The following ADAMTSL3 variants were observed in gnomAD, a reference collection of about 807,000 sequenced individuals.
ADAMTSL3 encodes ADAMTS like 3, also known as ADAMTS-like protein 3.
A neutral mutation model predicts 201.7 loss-of-function variants in ADAMTSL3; 128 were observed. That is an observed-to-expected ratio of 0.63 (90% confidence interval 0.55 to 0.73). The LOEUF (loss-of-function observed/expected upper bound fraction) is 0.73, where lower values mean the gene tolerates loss of function less well. Ranked by LOEUF, ADAMTSL3 falls within the 30% of genes least tolerant of loss-of-function variation. The pLI is 0.00. For missense variants in ADAMTSL3, 1,990 were observed against 2,119.6 expected, an observed-to-expected ratio of 0.94 and a Z score of 1.20; for synonymous variants, 738 against 748.4, an observed-to-expected ratio of 0.99 and a Z score of 0.23.
intron 3 of ADAMTSL3, among the ~76,000 whole-genome samples, chr15:83,753,751 T>C (rs1415066126): frequency 6.6e-6 from 1 of 152,128 alleles, no homozygotes; most frequent in African/African-American, 2.4e-5. Context: ...AATTAAGAGC[T>C]TTCTATGGTT....
chr15:83,779,971 A>G (rs1395952555), intron 4 of ADAMTSL3, among the ~76,000 whole-genome samples: 6 of 152,184 alleles, frequency 3.9e-5, no homozygotes, highest in African/African-American at 1.2e-4. Context: ...GCCCACATCA[A>G]AAAGTTAGAA....
intron 9 of ADAMTSL3, among the ~76,000 whole-genome samples, chr15:83,876,112 A>G (rs191456497): frequency 5.9e-5 from 9 of 152,118 alleles, no homozygotes; most frequent in Admixed American, 2.0e-4. Flanking sequence ...GAAGTATCCA[A>G]TTCATCCATT....
At chr15:83,894,645 A>G (rs1296440045) in intron 13 of ADAMTSL3, among the ~76,000 whole-genome samples, 1 of 152,192 alleles carries the variant, frequency 6.6e-6, no homozygotes, top group African/African-American at 2.4e-5. Context: ...TTATTCTAAT[A>G]TAATGTATTT....
chr15:84,013,832 A>C (rs1335950885), intron 23 of ADAMTSL3, among the ~76,000 whole-genome samples: 16 of 152,224 alleles, frequency 1.1e-4, no homozygotes, highest in Non-Finnish European at 8.8e-5. Flanking sequence ...CTGAATCTTA[A>C]ATTCCAAAGC....
chr15:83,970,703 T>C, intron 20 of ADAMTSL3, 66 bp downstream of exon 20: 1 of 1,573,934 alleles, frequency 6.4e-7, no homozygotes, highest in Non-Finnish European at 8.7e-7. Flanking sequence ...CCGATGTCTT[T>C]ATTTTCCATA....
Position 83,982,669 on chromosome 15 carries a change from A to C in ADAMTSL3, c.3041A>C (p.Glu1014Ala). Residue 1014 changes from glutamate (E) to alanine (A), a missense_variant, in exon 21 of 30, where the codon GAA (glutamate) becomes GCA (alanine). Transcript: ENST00000286744. ...CCAGCCCTCAGGGAGCCTATGAGGG[A>C]ATATCCTGGGATGGACCACAGCGAA... ...ARPALREPMR[E>A]YPGMDHSEAN... 1 of 1,614,158 alleles carries C rather than the reference A, an allele frequency of 6.2e-7. No homozygotes were observed.
At chr15:83,690,072 G>A (rs2061591642) in intron 2 of ADAMTSL3, among the ~76,000 whole-genome samples, 1 of 152,062 alleles carries the variant, frequency 6.6e-6, no homozygotes, top group Admixed American at 6.6e-5. Context: ...AAATATATTA[G>A]GATAATTTTT....
chr15:83,863,719 G>A (rs1381094383), intron 8 of ADAMTSL3, among the ~76,000 whole-genome samples: 1 of 152,124 alleles, frequency 6.6e-6, no homozygotes, highest in Admixed American at 6.6e-5. Context: ...AGAAGCAAGA[G>A]CAAACACATT....
chr15:83,989,368 G>C lies in ADAMTSL3; in HGVS notation c.3844+550G>C, dbSNP rs549977281. ...GTGCCCAGGTTATGCCAATGCTGCC[G>C]GTCTGAGGACCACACTGAAAACAGC... On this transcript the variant is annotated intron_variant, in intron 22 of 29. Coordinates refer to ENST00000286744, the MANE Select transcript of ADAMTSL3 (RefSeq NM_207517.3). Among the ~76,000 whole-genome samples the C allele has an allele frequency of 2.6e-5, 4 of 152,230 alleles. No individual in the cohort carries two copies. The East Asian group carries it at 5.8e-4, about 22-fold the overall frequency.
chr15:83,896,876 A>G (rs1486474267), intron 13 of ADAMTSL3, among the ~76,000 whole-genome samples: 2 of 152,158 alleles, frequency 1.3e-5, no homozygotes, highest in Non-Finnish European at 2.9e-5. Context: ...GTGATGGTGG[A>G]GGGTGAAGTA....
At chr15:83,888,895 A>G (rs1466476233) in intron 10 of ADAMTSL3, among the ~76,000 whole-genome samples, 2 of 152,218 alleles carry the variant, frequency 1.3e-5, no homozygotes, top group Non-Finnish European at 2.9e-5. Flanking sequence ...CCTCTCGACA[A>G]TCAGGACTTT....
chr15:83,791,578 G>A (rs1384777104), intron 4 of ADAMTSL3, among the ~76,000 whole-genome samples: 1 of 152,154 alleles, frequency 6.6e-6, no homozygotes, highest in Non-Finnish European at 1.5e-5. Context: ...ATCAACTAAC[G>A]CCAGGCGCAG....
intron 5 of ADAMTSL3, among the ~76,000 whole-genome samples, chr15:83,819,540 T>C (rs1036048699): frequency 6.6e-6 from 1 of 152,004 alleles, no homozygotes; most frequent in Non-Finnish European, 1.5e-5. Context: ...TCTTGTAGGC[T>C]CTAATTATCT....
intron 6 of ADAMTSL3, among the ~76,000 whole-genome samples, chr15:83,821,807 C>A (rs2141916787): frequency 6.6e-6 from 1 of 152,058 alleles, no homozygotes; most frequent in Non-Finnish European, 1.5e-5. Context: ...CCTCACTTCC[C>A]AGTAGGGGCG....
chr15:83,942,362 T>A (rs974271168), intron 17 of ADAMTSL3, among the ~76,000 whole-genome samples: 1 of 152,240 alleles, frequency 6.6e-6, no homozygotes, highest in African/African-American at 2.4e-5. Context: ...CTTTTTACTC[T>A]GGACTTTCCC....
At chr15:83,850,811 G>T (rs1481200683) in intron 7 of ADAMTSL3, among the ~76,000 whole-genome samples, 3 of 152,176 alleles carry the variant, frequency 2.0e-5, no homozygotes, top group Admixed American at 1.3e-4. Context: ...TGCCTCACAG[G>T]ATTCTCACTT....
intron 15 of ADAMTSL3, among the ~76,000 whole-genome samples, chr15:83,904,840 T>C (rs1305410885): frequency 6.6e-6 from 1 of 152,254 alleles, no homozygotes; most frequent in Non-Finnish European, 1.5e-5. Flanking sequence ...ACCTTGTATG[T>C]TTCCTTCACT....
Position 83,695,246 on chromosome 15 carries a change from G to A in ADAMTSL3, c.70-9143G>A, listed in dbSNP as rs868246802. Among the ~76,000 whole-genome samples the A allele has an allele frequency of 6.2e-4, 24 of 38,914 alleles. 1 individual carries two copies. The highest frequency in any genetic ancestry group is 1.5e-3 in the African/African-American group (12 of 8,232). 25.5% of individuals were successfully genotyped at this position (38,914 alleles called of 152,430 possible). A position where few individuals can be genotyped will look rare whatever the true frequency, so the allele number is the denominator to read the frequency against. ...GTGTGTAATGTGTGTGTGTGTGTGT[G>A]TGTGTGTGTGTGTGTGGTGGTGGGG... On this transcript the variant is annotated intron_variant, in intron 2 of 29. Transcript: ENST00000286744.
chr15:83,737,105 A>G (rs998327945), intron 3 of ADAMTSL3, among the ~76,000 whole-genome samples: 2 of 152,234 alleles, frequency 1.3e-5, no homozygotes. Context: ...TTGTACACTA[A>G]AAATTTGATC....
Sources: allele counts gnomAD v4.1 joint callset (sites outside exome capture counted in the v4.1 genomes callset), GRCh38; gene constraint gnomAD v4.1.1; transcripts MANE v1.5; gene names NCBI Gene and HGNC (gene_info 2026-07-23, HGNC 2026-07-21).